FMN1: variants seen among roughly 807,000 people sequenced by gnomAD.
FMN1 encodes the protein formin 1, also known as formin-1.
FMN1 carries 110 observed loss-of-function variants against 132.4 expected under a neutral mutation model. That is an observed-to-expected ratio of 0.83 (90% CI 0.71 to 0.97). FMN1 has a LOEUF of 0.97. Among genes scored for constraint, FMN1 ranks in the 50% least tolerant of loss-of-function variants. The probability of loss-of-function intolerance (pLI) is 0.00; values close to 1 mark genes in which losing one functional copy is unlikely to be tolerated. For missense variants in FMN1, 1,792 were observed against 1,705.3 expected (o/e 1.05, Z -0.90); for synonymous variants, 722 against 651.7 (o/e 1.11, Z -1.64).
chr15:32,976,888 G>GT (rs757178097), intron 7 of FMN1, among the ~76,000 whole-genome samples: 1 of 152,182 alleles, frequency 6.6e-6, no homozygotes, highest in African/African-American at 2.4e-5. Context: ...CCAACATGGC[G>GT]TGAGTGTTCC....
At chr15:32,871,368 GA>G (rs1428792481) in intron 16 of FMN1, among the ~76,000 whole-genome samples, 2 of 152,004 alleles carry the variant, frequency 1.3e-5, no homozygotes, top group African/African-American at 4.8e-5. Flanking sequence ...ATTTGATAAA[GA>G]ATTTTTTTGT....
At chr15:33,033,628 A>G (rs796180461) in intron 6 of FMN1, among the ~76,000 whole-genome samples, 6 of 150,638 alleles carry the variant, frequency 4.0e-5, no homozygotes, top group African/African-American at 1.5e-4. Flanking sequence ...ACAAAATGAA[A>G]TCTTTCATTT....
chr15:33,000,469 AG>A (rs1205078197), intron 7 of FMN1, among the ~76,000 whole-genome samples: 1 of 149,394 alleles, frequency 6.7e-6, no homozygotes, highest in Non-Finnish European at 1.5e-5. Context: ...AAAAAAAAAA[AG>A]GAGGCGGTGT....
intron 16 of FMN1, among the ~76,000 whole-genome samples, chr15:32,887,650 G>A (rs1031864071): frequency 1.3e-5 from 2 of 152,124 alleles, no homozygotes; most frequent in Non-Finnish European, 1.5e-5. Flanking sequence ...TATATTTAAA[G>A]CAGCAGAGTA....
chr15:33,142,316 G>A (rs1321995613), intron 4 of FMN1, among the ~76,000 whole-genome samples: 1 of 152,176 alleles, frequency 6.6e-6, no homozygotes, highest in Non-Finnish European at 1.5e-5. Context: ...TAAGTGGATA[G>A]TTTAATCTCA....
chr15:33,013,048 G>A, intron 6 of FMN1: 1 of 402,666 alleles, frequency 2.5e-6, no homozygotes, highest in Non-Finnish European at 4.8e-6. Context: ...CACTAGCTAT[G>A]GCACTGGCAG....
At chr15:32,964,460 G>T (rs57916607) in intron 8 of FMN1, among the ~76,000 whole-genome samples, 4 of 152,198 alleles carry the variant, frequency 2.6e-5, no homozygotes, top group African/African-American at 7.2e-5. Flanking sequence ...ACACACAGAC[G>T]TATTTCCAAA....
At chr15:32,955,863 G>C (rs75549633) in intron 9 of FMN1, among the ~76,000 whole-genome samples, 2,190 of 152,164 alleles carry the variant, frequency 0.014, 44 homozygotes, top group African/African-American at 0.051. Flanking sequence ...GGTGAGAAAG[G>C]AATTCCAGAA....
In FMN1 at chr15:32,808,941, T is replaced by G. The variant is rs532486786; in HGVS notation, c.3929-4609A>C. ...ATTTCACTCACTGAGCTGATGTCCT[T>G]AGCATGGCCTGTAAAAGGCTTTTCT... On this transcript the variant is annotated intron_variant, in intron 17 of 20. Transcript: ENST00000616417. Among the ~76,000 whole-genome samples the G allele has an allele frequency of 8.5e-5, 13 of 152,140 alleles. No individual in the cohort carries two copies. In the South Asian group the frequency reaches 2.7e-3, roughly 32 times the overall value.
In FMN1 at chr15:32,809,833, T is replaced by C. The variant is rs564024212; in HGVS notation, c.3929-5501A>G. Among the ~76,000 whole-genome samples the C allele has an allele frequency of 8.6e-4, 131 of 152,350 alleles. No individual in the cohort carries two copies. The South Asian group carries it at 0.024, about 28-fold the overall frequency. On this transcript the variant is annotated intron_variant, in intron 17 of 20. Coordinates refer to ENST00000616417, the MANE Select transcript of FMN1 (RefSeq NM_001277313.2). ...CTGGCTTGCAGCTGGCTTTTCCCAC[T>C]GGACTCTGTGCTCCTTTCAGAGTTG...
chr15:32,797,691 C>T (rs867228148), intron 19 of FMN1, among the ~76,000 whole-genome samples: 2 of 152,060 alleles, frequency 1.3e-5, no homozygotes, highest in African/African-American at 4.8e-5. Flanking sequence ...TTGATAAACA[C>T]ATCTTTAACT....
Position 32,771,293 on chromosome 15 carries a change from T to C in FMN1, c.*3017A>G, listed in dbSNP as rs994684036. ...TGGGGTTTCACCGTGTTAGCCAGGA[T>C]GGTCTCAATCTCCTGACCTCGTGAT... On this transcript the variant is annotated 3_prime_UTR_variant, in exon 21 of 21. Transcript: ENST00000616417. 1.3e-5 allele frequency: 2 copies of C among 151,840 alleles called. No homozygotes were observed. Among genetic ancestry groups the C allele is most frequent in the Non-Finnish European group, 2.9e-5 (2 of 68,044 alleles). The allele number at this position is 151,840 out of a possible 1,614,324, so 9.4% of individuals were successfully genotyped here.
intron 4 of FMN1, among the ~76,000 whole-genome samples, chr15:33,133,692 T>C (rs1963643520): frequency 6.6e-6 from 1 of 152,216 alleles, no homozygotes; most frequent in South Asian, 2.1e-4. Context: ...TGTTGATACA[T>C]CTTTGGGACA....
At chr15:33,020,022 C>T (rs1318619659) in intron 6 of FMN1, among the ~76,000 whole-genome samples, 1 of 152,064 alleles carries the variant, frequency 6.6e-6, no homozygotes, top group Admixed American at 6.5e-5. Flanking sequence ...CATGCTGTCA[C>T]CTCTCACTAT....
At chr15:33,162,527 G>C (rs1964937342) in intron 3 of FMN1, among the ~76,000 whole-genome samples, 1 of 152,062 alleles carries the variant, frequency 6.6e-6, no homozygotes, top group African/African-American at 2.4e-5. Flanking sequence ...TATGGGCCTT[G>C]GACAGGTAGA....
chr15:32,892,701 T>C (rs1039081332), intron 15 of FMN1, among the ~76,000 whole-genome samples: 1 of 152,198 alleles, frequency 6.6e-6, no homozygotes, highest in African/African-American at 2.4e-5. Context: ...ACCTTTTTTT[T>C]TGTTGGTAAT....
In FMN1 at chr15:33,044,594, AC is replaced by A. The variant is rs979189802; in HGVS notation, c.2161+20362del. 2.6e-5 allele frequency among the ~76,000 whole-genome samples: 4 copies of A among 152,020 alleles called. No homozygotes were observed. In the East Asian group the frequency reaches 7.7e-4, roughly 29 times the overall value. On this transcript the variant is annotated intron_variant, in intron 6 of 20. Transcript: ENST00000616417. ...ACCTGCCTGCGGAGAGGAACTACTCACCCCAGGATCTCCTCTCTGCTGAGAG... is the reference window on the plus strand; with the variant it reads ...ACCTGCCTGCGGAGAGGAACTACTCACCCAGGATCTCCTCTCTGCTGAGAG...
intron 17 of FMN1, among the ~76,000 whole-genome samples, chr15:32,821,500 T>C (rs958037628): frequency 7.1e-6 from 1 of 140,912 alleles, no homozygotes; most frequent in Admixed American, 7.8e-5. Context: ...CACCCCAGGC[T>C]GGAGGGCAGT....
At chr15:33,110,730 A>C (rs571754271) in intron 4 of FMN1, among the ~76,000 whole-genome samples, 1 of 152,082 alleles carries the variant, frequency 6.6e-6, no homozygotes, top group South Asian at 2.1e-4. Flanking sequence ...TCTTTTATTT[A>C]AAAATGCAAT....
Sources: allele counts gnomAD v4.1 joint callset (sites outside exome capture counted in the v4.1 genomes callset), GRCh38; gene constraint gnomAD v4.1.1; transcripts MANE v1.5; gene names NCBI Gene and HGNC (gene_info 2026-07-23, HGNC 2026-07-21).